Variants in ETFA observed in about 807,000 individuals in gnomAD.
ETFA encodes electron transfer flavoprotein subunit alpha, also known as electron transfer flavoprotein subunit alpha, mitochondrial.
Under a neutral mutation model 46.2 loss-of-function variants are expected in ETFA, and 22 were observed. That is an observed-to-expected ratio of 0.48 (90% CI 0.34 to 0.68). ETFA has a LOEUF of 0.68. Ranked by LOEUF, ETFA falls within the 30% of genes least tolerant of loss-of-function variation. ETFA has a pLI of 0.01. For synonymous variants in ETFA, 131 were observed against 139.9 expected, an observed-to-expected ratio of 0.94 and a Z score of 0.45; for missense variants, 345 against 401.1, an observed-to-expected ratio of 0.86 and a Z score of 1.19.
intron 11 of ETFA, among the ~76,000 whole-genome samples, chr15:76,219,885 C>T (rs992219251): frequency 2.6e-5 from 4 of 152,160 alleles, no homozygotes; most frequent in African/African-American, 7.2e-5. Context: ...CTGGTGGAAA[C>T]GTAAAATCAT....
chr15:76,260,295 C>T (rs189118771), intron 9 of ETFA: 17 of 1,201,584 alleles, frequency 1.4e-5, no homozygotes, highest in South Asian at 4.8e-5. Context: ...GGCTGGCTCT[C>T]CCCGGGAAAT....
Position 76,290,119 on chromosome 15 carries a change from A to G in ETFA, c.352-2174T>C, listed in dbSNP as rs74410538. ...TTAAGTAATAGGTATCAAAATTTTTAAACTACATAGCATTTGACTCAGTGA... is the reference window on the plus strand; with the variant it reads ...TTAAGTAATAGGTATCAAAATTTTTGAACTACATAGCATTTGACTCAGTGA... On this transcript the variant is annotated intron_variant, in intron 4 of 11. Coordinates refer to ENST00000557943, the MANE Select transcript of ETFA (RefSeq NM_000126.4). Among the ~76,000 whole-genome samples, 53 of 152,366 alleles carry G rather than the reference A, an allele frequency of 3.5e-4. No homozygotes were observed. In the East Asian group the frequency reaches 8.1e-3, roughly 23 times the overall value.
At chr15:76,260,253 T>A (rs112575190) in intron 9 of ETFA, 1 of 1,081,422 alleles carries the variant, frequency 9.2e-7, no homozygotes. Flanking sequence ...GGGCCTTTCT[T>A]GATTGAAGGA....
At chr15:76,266,302 T>C (rs1001628948) in intron 9 of ETFA, among the ~76,000 whole-genome samples, 4 of 152,148 alleles carry the variant, frequency 2.6e-5, no homozygotes, top group African/African-American at 4.8e-5. Flanking sequence ...CCATAAATAA[T>C]AACAAACCAG....
In ETFA at chr15:76,292,718, G is replaced by GGAACTTATCTT; in HGVS notation, c.187-19_187-18insAAGATAAGTTC. The stretch of plus-strand genomic sequence containing the variant: ...TGTGCCACCTATGATTAAAAGATAA[G>GGAACTTATCTT]TTCCTAATTATCCATCTATCAGAAA... On this transcript the variant is annotated intron_variant, in intron 2 of 11. Coordinates refer to ENST00000557943, the MANE Select transcript of ETFA (RefSeq NM_000126.4). 1 of 1,520,414 alleles carries GGAACTTATCTT rather than the reference G, an allele frequency of 6.6e-7. No homozygotes were observed. Among genetic ancestry groups the GGAACTTATCTT allele is most frequent in the Non-Finnish European group, 9.1e-7 (1 of 1,094,592 alleles). The allele number at this position is 1,520,414 out of a possible 1,614,324, so 94.2% of individuals were successfully genotyped here.
chr15:76,250,556 T>A (rs2039288106), intron 9 of ETFA, among the ~76,000 whole-genome samples: 1 of 152,108 alleles, frequency 6.6e-6, no homozygotes, highest in South Asian at 2.1e-4. Flanking sequence ...TTTTTCCTTT[T>A]TTTTCTTGCT....
intron 10 of ETFA, among the ~76,000 whole-genome samples, chr15:76,226,694 C>T (rs1258539393): frequency 6.6e-6 from 1 of 152,064 alleles, no homozygotes; most frequent in Non-Finnish European, 1.5e-5. Flanking sequence ...CTGGCTAACA[C>T]GGTGAAACCC....
intron 9 of ETFA, among the ~76,000 whole-genome samples, chr15:76,247,946 T>G (rs896773234): frequency 1.3e-5 from 2 of 152,224 alleles, no homozygotes; most frequent in Non-Finnish European, 2.9e-5. Flanking sequence ...TAATAAAATA[T>G]AGGTCTGAGT....
At chr15:76,218,081 G>T (rs901275526) in intron 11 of ETFA, among the ~76,000 whole-genome samples, 1 of 152,270 alleles carries the variant, frequency 6.6e-6, no homozygotes, top group South Asian at 2.1e-4. Context: ...AGTTTCACAC[G>T]GGACCTGTAT....
intron 8 of ETFA, among the ~76,000 whole-genome samples, chr15:76,278,583 T>C (rs1448710207): frequency 6.6e-6 from 1 of 152,218 alleles, no homozygotes; most frequent in Non-Finnish European, 1.5e-5. Flanking sequence ...TATATTTTCC[T>C]CTAAATAAAT....
intron 8 of ETFA, among the ~76,000 whole-genome samples, chr15:76,274,787 A>G (rs1175439339): frequency 1.3e-5 from 2 of 152,206 alleles, no homozygotes; most frequent in Non-Finnish European, 2.9e-5. Flanking sequence ...TTTTGAAGAA[A>G]GGTTTTACAA....
chr15:76,293,093 C>T (rs1330214017), intron 2 of ETFA, among the ~76,000 whole-genome samples: 3 of 152,196 alleles, frequency 2.0e-5, no homozygotes, highest in Non-Finnish European at 4.4e-5. Flanking sequence ...GCCAAGATCA[C>T]ACCACTTCAC....
At chr15:76,308,894 C>T (rs1402208049) in intron 1 of ETFA, among the ~76,000 whole-genome samples, 1 of 152,132 alleles carries the variant, frequency 6.6e-6, no homozygotes, top group Non-Finnish European at 1.5e-5. Context: ...TCAAATGGTT[C>T]AGAAAGATAG....
intron 9 of ETFA, among the ~76,000 whole-genome samples, chr15:76,257,421 T>C (rs932340762): frequency 7.2e-5 from 11 of 152,180 alleles, no homozygotes; most frequent in Admixed American, 1.3e-4. Context: ...GAAAAAATGC[T>C]CATCATCACT....
At chr15:76,239,294 A>G (rs904345518) in intron 9 of ETFA, among the ~76,000 whole-genome samples, 9 of 152,210 alleles carry the variant, frequency 5.9e-5, no homozygotes, top group African/African-American at 2.2e-4. Flanking sequence ...ATATATTTAA[A>G]GTATACAATG....
chr15:76,250,826 C>T (rs2039291112), intron 9 of ETFA, among the ~76,000 whole-genome samples: 1 of 152,020 alleles, frequency 6.6e-6, no homozygotes, highest in Non-Finnish European at 1.5e-5. Context: ...TGTGAGCCAC[C>T]CACCATGCCC....
chr15:76,252,891 A>ACACAC (rs1836208390), intron 9 of ETFA, among the ~76,000 whole-genome samples: 1 of 135,806 alleles, frequency 7.4e-6, no homozygotes, highest in African/African-American at 2.6e-5. Context: ...ACACACACAC[A>ACACAC]GAGTACTTTT....
chr15:76,262,871 C>G (rs1232267974), intron 9 of ETFA, among the ~76,000 whole-genome samples: 2 of 152,100 alleles, frequency 1.3e-5, no homozygotes, highest in Non-Finnish European at 2.9e-5. Context: ...CAAATAATGG[C>G]TGAGCTCTCA....
intron 8 of ETFA, among the ~76,000 whole-genome samples, chr15:76,279,279 TA>T (rs2039624825): frequency 1.3e-5 from 2 of 152,144 alleles, no homozygotes; most frequent in South Asian, 4.1e-4. Flanking sequence ...CTATGCCTTT[TA>T]TTATTTATTT....
Sources: allele counts gnomAD v4.1 joint callset (sites outside exome capture counted in the v4.1 genomes callset), GRCh38; gene constraint gnomAD v4.1.1; transcripts MANE v1.5; gene names NCBI Gene and HGNC (gene_info 2026-07-23, HGNC 2026-07-21).